The following PDLIM5 variants were observed in gnomAD, a reference collection of about 807,000 sequenced individuals.
PDLIM5 encodes the protein PDZ and LIM domain 5.
PDLIM5 carries 34 observed loss-of-function variants against 64.2 expected under a neutral mutation model. That is an observed-to-expected ratio of 0.53 (90% CI 0.40 to 0.71). PDLIM5 has a LOEUF of 0.71. Among genes scored for constraint, PDLIM5 ranks in the 30% least tolerant of loss-of-function variants. PDLIM5 has a pLI of 0.00. For missense variants in PDLIM5, 683 were observed against 733.6 expected (o/e 0.93, Z 0.80); for synonymous variants, 253 against 269.1 (o/e 0.94, Z 0.59).
chr4:94,479,316 G>T (rs1725634669), intron 2 of PDLIM5, among the ~76,000 whole-genome samples: 1 of 139,580 alleles, frequency 7.2e-6, no homozygotes, highest in South Asian at 2.3e-4. Flanking sequence ...ATTTTTATAA[G>T]GAGAGCTTTG....
chr4:94,594,849 A>G (rs1736944672), intron 7 of PDLIM5, among the ~76,000 whole-genome samples: 1 of 152,164 alleles, frequency 6.6e-6, no homozygotes, highest in Admixed American at 6.6e-5. Context: ...TTAAAGAATG[A>G]TGGGTTCTGA....
At chr4:94,535,708 A>G (rs1403601005) in intron 3 of PDLIM5, among the ~76,000 whole-genome samples, 3 of 152,130 alleles carry the variant, frequency 2.0e-5, no homozygotes, top group Admixed American at 6.5e-5. Flanking sequence ...AATGTTTAAG[A>G]TTCGTGTTTC....
chr4:94,594,061 A>G (rs1385092492), intron 7 of PDLIM5, among the ~76,000 whole-genome samples: 1 of 152,192 alleles, frequency 6.6e-6, no homozygotes, highest in Non-Finnish European at 1.5e-5. Context: ...ACTATCTCTA[A>G]TGGAATATAA....
rs184992170 is a variant in PDLIM5 at position 94,456,450 on chromosome 4, G to A, written c.96+1066G>A. 5.3e-3 allele frequency: 3,717 copies of A among 697,932 alleles called. 23 individuals carry two copies. Among genetic ancestry groups the A allele is most frequent in the Middle Eastern group, 0.015 (46 of 3,046 alleles). 43.2% of individuals were successfully genotyped at this position (697,932 alleles called of 1,614,324 possible). ...CGACCTCAGGTGATCTGCCCACCTCGGCCTCCCAAAGTGCTAAGATTACAG... is the reference window on the plus strand; with the variant it reads ...CGACCTCAGGTGATCTGCCCACCTCAGCCTCCCAAAGTGCTAAGATTACAG... On this transcript the variant is annotated intron_variant, in intron 2 of 12. Coordinates refer to ENST00000317968, the MANE Select transcript of PDLIM5 (RefSeq NM_006457.5).
At chr4:94,475,307 T>A (rs1309237612) in intron 2 of PDLIM5, among the ~76,000 whole-genome samples, 1 of 152,144 alleles carries the variant, frequency 6.6e-6, no homozygotes, top group Non-Finnish European at 1.5e-5. Context: ...CTCTCTAGAG[T>A]TGGTAGCAGT....
intron 2 of PDLIM5, among the ~76,000 whole-genome samples, chr4:94,462,152 T>C (rs111958393): frequency 0.022 from 3,358 of 152,240 alleles, 95 homozygotes; most frequent in African/African-American, 0.07. Flanking sequence ...CGTGAGCCAC[T>C]GCACCCAGCT....
Position 94,667,040 on chromosome 4 carries a change from C to A in PDLIM5, c.*2973C>A, listed in dbSNP as rs1743112217. 1.3e-5 allele frequency: 2 copies of A among 152,084 alleles called. No individual in the cohort carries two copies. Among genetic ancestry groups the A allele is most frequent in the Non-Finnish European group, 2.9e-5 (2 of 68,004 alleles). 9.4% of individuals were successfully genotyped at this position (152,084 alleles called of 1,614,324 possible). Reference sequence around the variant, plus strand: ...ATTTATTTTTCTGATTATAAATTTTCTATATTAGTAGCATTTTTTAATTAT... The same window carrying A: ...ATTTATTTTTCTGATTATAAATTTTATATATTAGTAGCATTTTTTAATTAT... On this transcript the variant is annotated 3_prime_UTR_variant, in exon 13 of 13. Transcript: ENST00000317968.
intron 2 of PDLIM5, among the ~76,000 whole-genome samples, chr4:94,485,242 G>T (rs894480053): frequency 2.6e-5 from 4 of 152,192 alleles, no homozygotes; most frequent in African/African-American, 9.7e-5. Context: ...ACTTTTGTCT[G>T]TTTGGCTCTT....
intron 7 of PDLIM5, among the ~76,000 whole-genome samples, chr4:94,589,997 G>A (rs1736557561): frequency 6.6e-6 from 1 of 151,984 alleles, no homozygotes; most frequent in Non-Finnish European, 1.5e-5. Flanking sequence ...GGCTGGTCTC[G>A]AACTCCTGAC....
chr4:94,469,036 G>A (rs1724616574), intron 2 of PDLIM5, among the ~76,000 whole-genome samples: 1 of 152,150 alleles, frequency 6.6e-6, no homozygotes, highest in Non-Finnish European at 1.5e-5. Context: ...CCTGTGTCAG[G>A]GTTGCAGGGA....
chr4:94,565,744 A>G (rs546650426), intron 3 of PDLIM5, among the ~76,000 whole-genome samples: 6 of 152,336 alleles, frequency 3.9e-5, no homozygotes, highest in Middle Eastern at 3.4e-3. Context: ...CTGGAAAAGT[A>G]AAGAACAATG....
intron 1 of PDLIM5, among the ~76,000 whole-genome samples, chr4:94,453,674 C>A (rs960987593): frequency 6.6e-6 from 1 of 152,178 alleles, no homozygotes; most frequent in African/African-American, 2.4e-5. Context: ...GTGTCAATAT[C>A]AGGACAGTCC....
intron 9 of PDLIM5, among the ~76,000 whole-genome samples, chr4:94,642,425 A>G (rs1311124606): frequency 1.3e-5 from 2 of 152,220 alleles, no homozygotes; most frequent in East Asian, 3.8e-4. Context: ...CCTTGGTTTT[A>G]AATTTAATGC....
chr4:94,522,464 C>A (rs1729916383), intron 2 of PDLIM5, among the ~76,000 whole-genome samples: 1 of 152,066 alleles, frequency 6.6e-6, no homozygotes, highest in African/African-American at 2.4e-5. Flanking sequence ...CAACCTCTGC[C>A]TCCCGGGTTC....
At chr4:94,469,984 T>C (rs1476223676) in intron 2 of PDLIM5, among the ~76,000 whole-genome samples, 2 of 81,738 alleles carry the variant, frequency 2.4e-5, no homozygotes, top group Non-Finnish European at 5.0e-5. Context: ...TTTTTTTTTT[T>C]GAGACAGAGT....
chr4:94,577,271 C>A (rs1397028900), intron 5 of PDLIM5: 4 of 456,432 alleles, frequency 8.8e-6, no homozygotes, highest in Non-Finnish European at 1.8e-5. Context: ...TGAGATAATC[C>A]CTTCTGAATG....
chr4:94,608,268 T>G, intron 7 of PDLIM5: 1 of 884,700 alleles, frequency 1.1e-6, no homozygotes, highest in Admixed American at 2.6e-5. Context: ...AAATGATTGT[T>G]GATTACAGAA....
intron 11 of PDLIM5, among the ~76,000 whole-genome samples, chr4:94,658,965 A>G (rs1742432969): frequency 6.6e-6 from 1 of 152,214 alleles, no homozygotes; most frequent in Non-Finnish European, 1.5e-5. Context: ...CATTTTGACT[A>G]ACTGGCAGGT....
chr4:94,476,035 T>A (rs1560640505), intron 2 of PDLIM5, among the ~76,000 whole-genome samples: 1 of 152,192 alleles, frequency 6.6e-6, no homozygotes, highest in Admixed American at 6.5e-5. Flanking sequence ...TCATTTCAAC[T>A]GTTAGGTAAC....
Sources: gnomAD v4.1 joint callset for allele counts (sites outside exome capture counted in the v4.1 genomes callset) on GRCh38, gnomAD v4.1.1 for gene constraint, MANE v1.5 for transcripts, NCBI Gene and HGNC (gene_info 2026-07-23, HGNC 2026-07-21) for gene names.